VRK3: variants seen among roughly 807,000 people sequenced by gnomAD.
The protein encoded by VRK3 is serine/threonine-protein kinase VRK3.
Under a neutral mutation model 60.4 loss-of-function variants are expected in VRK3, and 50 were observed. The observed-to-expected ratio is 0.83, with a 90% CI of 0.66 to 1.05. The LOEUF (loss-of-function observed/expected upper bound fraction) is 1.05. VRK3 is among the 50% of genes least tolerant of loss of function. The pLI, the probability that VRK3 is intolerant of heterozygous loss-of-function variation, is 0.00. For missense variants in VRK3, 549 were observed against 585.3 expected (o/e 0.94, Z 0.64); for synonymous variants, 246 against 227.8 (o/e 1.08, Z -0.72).
intron 13 of VRK3, 127 bp downstream of exon 13, chr19:49,980,828 G>A (rs796267744): frequency 1.9e-5 from 14 of 749,222 alleles, no homozygotes; most frequent in East Asian, 5.6e-5. Context: ...CAATGGGTAC[G>A]TATTACAAAT....
chr19:50,024,857 G>A (rs1197919904), intron 1 of VRK3: 3 of 152,216 alleles, frequency 2.0e-5, no homozygotes, highest in Non-Finnish European at 1.5e-5. Flanking sequence ...ACTGTATAGT[G>A]TTCCTCCTAG....
intron 14 of VRK3, among the ~76,000 whole-genome samples, chr19:49,978,380 T>A (rs895343179): frequency 2.0e-5 from 3 of 152,224 alleles, no homozygotes; most frequent in African/African-American, 7.2e-5. Flanking sequence ...CAAAATTTAC[T>A]GTGTAGTCTG....
intron 5 of VRK3, 24 bp from the exon 6 acceptor site, chr19:50,000,878 T>C (rs1303542562): frequency 1.9e-6 from 3 of 1,611,164 alleles, no homozygotes; most frequent in Non-Finnish European, 2.5e-6. Flanking sequence ...AACAAGGGAG[T>C]GAGGTTATAA....
intron 1 of VRK3, among the ~76,000 whole-genome samples, chr19:50,022,318 G>C (rs577823363): frequency 6.6e-6 from 1 of 152,292 alleles, no homozygotes; most frequent in South Asian, 2.1e-4. Flanking sequence ...GCCACCCCCG[G>C]TTCTGACACC....
At chr19:49,989,392 G>A (rs775153120) in intron 11 of VRK3, among the ~76,000 whole-genome samples, 2 of 152,180 alleles carry the variant, frequency 1.3e-5, no homozygotes, top group Non-Finnish European at 2.9e-5. Flanking sequence ...GTCTACAACA[G>A]ATCCTGAACC....
At position 49,982,291 on chromosome 19, in the gene VRK3, T is replaced by C. The variant is rs73932227; in HGVS notation, c.1218-1278A>G. On this transcript the variant is annotated intron_variant, in intron 12 of 14. Coordinates refer to ENST00000316763, the MANE Select transcript of VRK3 (RefSeq NM_016440.4). Reference sequence around the variant, plus strand: ...ACGAATTATTAACCATCTCAGGCTTTGGGACATCAGACAGCCCTTCAGCAT... The same window carrying C: ...ACGAATTATTAACCATCTCAGGCTTCGGGACATCAGACAGCCCTTCAGCAT... 11,908 of 694,186 alleles carry C rather than the reference T, an allele frequency of 0.017. 995 individuals carry two copies. In the African/African-American group the frequency reaches 0.18, roughly 11 times the overall value. The allele number at this position is 694,186 out of a possible 1,614,324, so 43.0% of individuals were successfully genotyped here.
chr19:49,990,027 T>A lies in VRK3; in HGVS notation c.964-256A>T, dbSNP rs73932270. ...CAGTTTCGTATGCATCATTCCAAAA[T>A]TTTTTTTTTTTTTTAAATAACCAGG... is the stretch of plus-strand genomic sequence containing the variant. On this transcript the variant is annotated intron_variant, in intron 10 of 14. Coordinates refer to ENST00000316763, the MANE Select transcript of VRK3 (RefSeq NM_016440.4). Among the ~76,000 whole-genome samples the A allele has an allele frequency of 6.0e-3, 803 of 134,464 alleles. 3 individuals are homozygous for A. The highest frequency in any genetic ancestry group is 0.011 in the African/African-American group (314 of 29,484). 88.2% of individuals were successfully genotyped at this position (134,464 alleles called of 152,430 possible).
rs150967316 is a variant in VRK3, at chr19:49,977,734, A to G, written c.*12-950T>C. 2.0e-3 allele frequency among the ~76,000 whole-genome samples: 310 copies of G among 152,250 alleles called. 2 individuals are homozygous for G. The highest frequency in any genetic ancestry group is 7.2e-3 in the African/African-American group (301 of 41,544). The stretch of plus-strand genomic sequence containing the variant: ...GAGGACCCCGAGCTGTCTGGCCTGG[A>G]TAACTGGGTACACGGAGGAGCTGTG... On this transcript the variant is annotated intron_variant, in intron 14 of 14. Coordinates refer to ENST00000316763, the MANE Select transcript of VRK3 (RefSeq NM_016440.4).
chr19:49,979,155 G>A lies in VRK3; in HGVS notation c.1364C>T (p.Ala455Val). The A allele has an allele frequency of 6.2e-7, 1 of 1,614,094 alleles. No individual in the cohort carries two copies. Among genetic ancestry groups the A allele is most frequent in the Non-Finnish European group, 8.5e-7 (1 of 1,179,968 alleles). The stretch of plus-strand genomic sequence containing the variant: ...AGACACACGCAGATCCTGCAGCAAA[G>A]CTTCTAGGTTGTTCCTCAGCATGGC... ...PYAMLRNNLE[A>V]LLQDLRVSPY... The change falls in exon 14 of 15, where the codon GCT (alanine) becomes GTT (valine). Residue 455 changes from alanine to valine, a missense_variant. Coordinates refer to ENST00000316763, the MANE Select transcript of VRK3 (RefSeq NM_016440.4).
At chr19:50,022,508 G>A (rs528271119) in intron 1 of VRK3, among the ~76,000 whole-genome samples, 4 of 152,106 alleles carry the variant, frequency 2.6e-5, no homozygotes, top group Middle Eastern at 3.4e-3. Flanking sequence ...ATGGTGGGTC[G>A]GACACGGTGG....
intron 3 of VRK3, 32 bp downstream of exon 3, chr19:50,015,992 C>T (rs1469693): frequency 0.2 from 318,900 of 1,613,314 alleles, 33,524 homozygotes; most frequent in African/African-American, 0.34. Flanking sequence ...TTATTCCCAC[C>T]GCAGAAACAG....
In VRK3 at chr19:49,995,020, C is replaced by T. The variant is rs111833148; in HGVS notation, c.765-101G>A. On this transcript the variant is annotated intron_variant, in intron 8 of 14. Coordinates refer to ENST00000316763, the MANE Select transcript of VRK3 (RefSeq NM_016440.4). ...TTGCGTGGGCTGCAAGGTCCTGGTCCCAGGTGAGATCAAAGGTTCTGACTG... is the reference window on the plus strand; with the variant it reads ...TTGCGTGGGCTGCAAGGTCCTGGTCTCAGGTGAGATCAAAGGTTCTGACTG... The T allele has an allele frequency of 5.1e-5, 67 of 1,310,350 alleles. No homozygotes were observed. The African/African-American group carries it at 8.4e-4, about 16-fold the overall frequency. The allele number at this position is 1,310,350 out of a possible 1,614,324, so 81.2% of individuals were successfully genotyped here.
intron 12 of VRK3, among the ~76,000 whole-genome samples, chr19:49,985,809 C>T (rs1206482948): frequency 1.3e-5 from 2 of 152,198 alleles, no homozygotes; most frequent in Non-Finnish European, 2.9e-5. Flanking sequence ...CCAGGAACCA[C>T]CAGTTCACCT....
chr19:50,011,339 A>T (rs6509452), intron 3 of VRK3, among the ~76,000 whole-genome samples: 57,889 of 152,070 alleles, frequency 0.38, 12,166 homozygotes, highest in East Asian at 0.74. Flanking sequence ...CACACTGAAC[A>T]ATAAGGAGTT....
chr19:49,979,998 C>T (rs909589141), intron 13 of VRK3, among the ~76,000 whole-genome samples: 1 of 151,920 alleles, frequency 6.6e-6, no homozygotes, highest in South Asian at 2.1e-4. Context: ...TGCAGTGAGC[C>T]AAGATCACGC....
rs1600707923 is a variant in VRK3 at position 50,009,322 on chromosome 19, G to T, written c.203C>A (p.Thr68Asn). ...TSPKKVKWSS[T>N]VTSPRLSLFS... ...GAGGGATAATCGGGGAGAGGTGACG[G>T]TGCTGGACCATTTCACTTTCTTAGG... The change falls in exon 4 of 15, where the codon ACC becomes AAC. Residue 68 changes from threonine to asparagine, a missense_variant. Coordinates refer to ENST00000316763, the MANE Select transcript of VRK3 (RefSeq NM_016440.4). 6.2e-7 allele frequency: 1 copy of T among 1,614,100 alleles called. No individual in the cohort carries two copies. The highest frequency in any genetic ancestry group is 8.5e-7 in the Non-Finnish European group (1 of 1,180,016).
chr19:49,995,682 G>A (rs537770062), intron 7 of VRK3, among the ~76,000 whole-genome samples: 10 of 152,362 alleles, frequency 6.6e-5, no homozygotes, highest in African/African-American at 2.4e-4. Flanking sequence ...AACCAATGGC[G>A]AGCTGATGCT....
At chr19:50,006,382 A>ATT (rs201998359) in intron 5 of VRK3, among the ~76,000 whole-genome samples, 1 of 147,746 alleles carries the variant, frequency 6.8e-6, no homozygotes, top group Non-Finnish European at 1.5e-5. Flanking sequence ...TCACTGAATA[A>ATT]TTTTTTTTTT....
intron 12 of VRK3, among the ~76,000 whole-genome samples, chr19:49,982,982 C>A (rs916808575): frequency 3.9e-5 from 6 of 152,208 alleles, no homozygotes; most frequent in African/African-American, 1.2e-4. Flanking sequence ...ACTCTCTCTG[C>A]CCCATGTCCT....
Sources: allele counts gnomAD v4.1 joint callset (sites outside exome capture counted in the v4.1 genomes callset), GRCh38; gene constraint gnomAD v4.1.1; transcripts MANE v1.5; gene names NCBI Gene and HGNC (gene_info 2026-07-23, HGNC 2026-07-21).